Variants in RGS22 observed in about 807,000 individuals in gnomAD.
RGS22 encodes the protein regulator of G protein signaling 22.
A neutral mutation model predicts 172.9 loss-of-function variants in RGS22; 148 were observed. That is an observed-to-expected ratio of 0.86 (90% CI 0.75 to 0.98). The LOEUF (loss-of-function observed/expected upper bound fraction) is 0.98, where lower values mean the gene tolerates loss of function less well. Ranked by LOEUF, RGS22 falls within the 50% of genes least tolerant of loss-of-function variation. RGS22 has a pLI of 0.00. For missense variants in RGS22, 1,347 were observed against 1,440.8 expected (o/e 0.93, Z 1.05); for synonymous variants, 458 against 480.2 (o/e 0.95, Z 0.60).
intron 14 of RGS22, among the ~76,000 whole-genome samples, chr8:100,035,465 T>C (rs941666184): frequency 2.0e-5 from 3 of 152,168 alleles, no homozygotes. Flanking sequence ...AAACAACAGA[T>C]GCTGGAGAGG....
chr8:100,054,831 A>G (rs569001092), intron 9 of RGS22, among the ~76,000 whole-genome samples: 1 of 152,286 alleles, frequency 6.6e-6, no homozygotes, highest in Middle Eastern at 3.4e-3. Flanking sequence ...ATATCTATAG[A>G]CTTTTATCAA....
intron 7 of RGS22, 58 bp downstream of exon 7, chr8:100,066,109 C>A (rs1441965972): frequency 1.3e-6 from 2 of 1,553,340 alleles, no homozygotes; most frequent in Non-Finnish European, 1.8e-6. Flanking sequence ...AAAATTAGAA[C>A]AAACAAACAA....
chr8:100,026,400 G>A (rs1356753493), intron 14 of RGS22, among the ~76,000 whole-genome samples: 1 of 151,886 alleles, frequency 6.6e-6, no homozygotes, highest in Non-Finnish European at 1.5e-5. Flanking sequence ...GCACAACATG[G>A]ATCTGGTGAC....
intron 23 of RGS22, among the ~76,000 whole-genome samples, chr8:99,971,506 C>G (rs895461527): frequency 2.0e-5 from 3 of 152,212 alleles, no homozygotes; most frequent in African/African-American, 4.8e-5. Flanking sequence ...ACTCCTTAAG[C>G]TGATAAGCAA....
chr8:100,026,351 A>C (rs1459671820), intron 14 of RGS22, among the ~76,000 whole-genome samples: 1 of 152,242 alleles, frequency 6.6e-6, no homozygotes, highest in Non-Finnish European at 1.5e-5. Context: ...TCTGCATTAC[A>C]ATTACATCAC....
intron 11 of RGS22, among the ~76,000 whole-genome samples, chr8:100,042,510 T>A (rs1270369241): frequency 6.6e-6 from 1 of 152,224 alleles, no homozygotes; most frequent in African/African-American, 2.4e-5. Context: ...TAGGGAATTA[T>A]ATAGATTAGT....
intron 2 of RGS22, among the ~76,000 whole-genome samples, chr8:100,098,426 A>T (rs1388412837): frequency 6.6e-6 from 1 of 152,228 alleles, no homozygotes; most frequent in Non-Finnish European, 1.5e-5. Context: ...GCTCCACAAC[A>T]CATCTTGTTG....
chr8:100,029,702 CAA>C (rs369058108), intron 14 of RGS22, among the ~76,000 whole-genome samples: 17 of 62,014 alleles, frequency 2.7e-4, no homozygotes, highest in African/African-American at 6.9e-4. Flanking sequence ...AACTCCGTCT[CAA>C]AAAAAAAAAA....
chr8:100,025,625 G>A (rs967539585), intron 14 of RGS22, among the ~76,000 whole-genome samples: 1 of 152,224 alleles, frequency 6.6e-6, no homozygotes, highest in Non-Finnish European at 1.5e-5. Flanking sequence ...CCACCCTGAA[G>A]TATTTAGGTC....
chr8:99,963,044 A>G (rs1233209505), intron 24 of RGS22, 66 bp from the exon 25 acceptor site: 18 of 1,261,082 alleles, frequency 1.4e-5, no homozygotes, highest in Non-Finnish European at 2.0e-5. Flanking sequence ...TGAAGATAAG[A>G]TGTCTTCTAT....
chr8:100,066,167 C>T lies in RGS22; in HGVS notation c.724G>A (p.Glu242Lys), dbSNP rs1810519661. Reference protein sequence around the residue: ...LKSPAISSVSENFIFDDGVHP... With the variant: ...LKSPAISSVSKNFIFDDGVHP... ...GTCATTCTTGTCCTTTTCTGCTTACCAGAAACAGATGAAATAGCTGGTGAT... is the reference window on the plus strand; with the variant it reads ...GTCATTCTTGTCCTTTTCTGCTTACTAGAAACAGATGAAATAGCTGGTGAT... The change falls in exon 7 of 28, where the codon GAG becomes AAG. Residue 242 changes from glutamate (E) to lysine (K), a missense_variant and splice_region_variant. By Grantham distance (56) the Glu-to-Lys change is moderately conservative (BLOSUM62 1). Coordinates refer to ENST00000360863, the MANE Select transcript of RGS22 (RefSeq NM_015668.5). The T allele has an allele frequency of 1.9e-6, 3 of 1,611,060 alleles. No homozygotes were observed. Among genetic ancestry groups the T allele is most frequent in the Non-Finnish European group, 8.5e-7 (1 of 1,178,660 alleles).
chr8:100,041,551 T>C (rs1820122536), intron 12 of RGS22, among the ~76,000 whole-genome samples: 1 of 151,766 alleles, frequency 6.6e-6, no homozygotes, highest in Admixed American at 6.6e-5. Flanking sequence ...TTCTTTCAAG[T>C]GTCATCATAC....
chr8:100,028,488 G>C (rs1248011941), intron 14 of RGS22, among the ~76,000 whole-genome samples: 1 of 148,426 alleles, frequency 6.7e-6, no homozygotes, highest in African/African-American at 2.5e-5. Context: ...AAAAAGCCTT[G>C]CTTCTATTGG....
At chr8:100,075,758 G>A (rs1181293115) in intron 4 of RGS22, among the ~76,000 whole-genome samples, 1 of 152,168 alleles carries the variant, frequency 6.6e-6, no homozygotes, top group African/African-American at 2.4e-5. Context: ...TGGCATTTCT[G>A]GGTAATTTGA....
rs1228956680 is a variant in RGS22, at chr8:100,020,111, C to T, written c.2167-11542G>A. Among the ~76,000 whole-genome samples the T allele has an allele frequency of 3.9e-5, 6 of 151,926 alleles. No individual in the cohort carries two copies. The South Asian group carries it at 6.2e-4, about 16-fold the overall frequency. ...GTTGGTCAGGCTGGTCTCTAACTCC[C>T]GAACTCAGGTGATCCACCCGCCTCG... On this transcript the variant is annotated intron_variant, in intron 14 of 27. Transcript: ENST00000360863.
At chr8:100,085,949 G>A (rs1021684904) in intron 3 of RGS22, among the ~76,000 whole-genome samples, 1 of 152,102 alleles carries the variant, frequency 6.6e-6, no homozygotes, top group African/African-American at 2.4e-5. Context: ...CACAATAGAA[G>A]AACATACAAA....
At chr8:100,050,860 A>C (rs923124950) in intron 10 of RGS22, 2 of 152,200 alleles carry the variant, frequency 1.3e-5, no homozygotes, top group African/African-American at 4.8e-5. Flanking sequence ...CTCAGCAACT[A>C]TTATGTGCCA....
intron 13 of RGS22, among the ~76,000 whole-genome samples, chr8:100,039,332 T>C (rs1819855277): frequency 2.0e-5 from 3 of 152,102 alleles, no homozygotes; most frequent in South Asian, 4.1e-4. Flanking sequence ...GCAATGTGTA[T>C]TACAGCAGAA....
chr8:100,042,229 C>T (rs745524134), intron 11 of RGS22, among the ~76,000 whole-genome samples: 1 of 151,886 alleles, frequency 6.6e-6, no homozygotes, highest in Non-Finnish European at 1.5e-5. Flanking sequence ...TTCCTTCAAC[C>T]TATATTAGTA....
Sources: gnomAD v4.1 joint callset for allele counts (sites outside exome capture counted in the v4.1 genomes callset) on GRCh38, gnomAD v4.1.1 for gene constraint, MANE v1.5 for transcripts, NCBI Gene and HGNC (gene_info 2026-07-23, HGNC 2026-07-21) for gene names.